The following KMO variants were observed in gnomAD, a reference collection of about 807,000 sequenced individuals.
KMO encodes kynurenine 3-hydroxylase.
A neutral mutation model predicts 57.8 loss-of-function variants in KMO; 24 were observed. That is an observed-to-expected ratio of 0.42 (90% CI 0.30 to 0.58). KMO has a LOEUF of 0.58. Ranked by LOEUF, KMO falls within the 20% of genes least tolerant of loss-of-function variation. KMO has a pLI of 0.22. For synonymous variants in KMO, 210 were observed against 193.6 expected (o/e 1.08, Z -0.70); for missense variants, 483 against 588.2 (o/e 0.82, Z 1.85).
intron 10 of KMO, among the ~76,000 whole-genome samples, chr1:241,585,783 C>A (rs951735981): frequency 7.3e-5 from 11 of 150,490 alleles, no homozygotes; most frequent in East Asian, 5.8e-4. Flanking sequence ...AAAAAAAAAA[C>A]CAAAAAGAAA....
chr1:241,576,623 T>C (rs1662529602), intron 10 of KMO, among the ~76,000 whole-genome samples: 1 of 152,168 alleles, frequency 6.6e-6, no homozygotes, highest in Admixed American at 6.5e-5. Flanking sequence ...TGCTGAGAAG[T>C]CTGCATTAGT....
intron 1 of KMO, among the ~76,000 whole-genome samples, chr1:241,537,937 A>C (rs556497474): frequency 5.9e-5 from 9 of 152,248 alleles, no homozygotes; most frequent in African/African-American, 2.2e-4. Context: ...CCATATCAAC[A>C]AGTTTTGCAG....
At chr1:241,562,862 AGAAGGAAGGAAGGAAGGAAGGAAG>A (rs1173823057) in intron 7 of KMO, among the ~76,000 whole-genome samples, 15 of 104,502 alleles carry the variant, frequency 1.4e-4, no homozygotes, top group African/African-American at 3.9e-4. Context: ...AAGGAAGGAA[AGAAGGAAGGAAGGAAGGAAGGAAG>A]GAAGGAAGGA....
At position 241,572,160 on chromosome 1, in the gene KMO, C is replaced by G. The variant is rs148638907; in HGVS notation, c.957+3513C>G. Among the ~76,000 whole-genome samples, 4 of 151,942 alleles carry G rather than the reference C, an allele frequency of 2.6e-5. No individual in the cohort carries two copies. The East Asian group carries it at 7.7e-4, about 29-fold the overall frequency. Reference sequence around the variant, plus strand: ...GATTACAGGCATGAGCCACCACGCCCGGGCAATATTAGTTCCTTTTTAAAT... The same window carrying G: ...GATTACAGGCATGAGCCACCACGCCGGGGCAATATTAGTTCCTTTTTAAAT... On this transcript the variant is annotated intron_variant, in intron 10 of 14. Transcript: ENST00000366559.
At chr1:241,537,783 A>T (rs1367426868) in intron 1 of KMO, among the ~76,000 whole-genome samples, 1 of 152,148 alleles carries the variant, frequency 6.6e-6, no homozygotes, top group African/African-American at 2.4e-5. Flanking sequence ...ATCAGATTTC[A>T]TGAGACTCAT....
intron 1 of KMO, among the ~76,000 whole-genome samples, chr1:241,543,121 T>G (rs1050899591): frequency 2.6e-5 from 4 of 152,136 alleles, no homozygotes; most frequent in African/African-American, 9.7e-5. Flanking sequence ...GTTTGTTTAT[T>G]AATAATAATA....
At chr1:241,557,243 A>C (rs3007738) in intron 5 of KMO, among the ~76,000 whole-genome samples, 127,078 of 151,848 alleles carry the variant, frequency 0.84, 54,205 homozygotes, top group Non-Finnish European at 0.93. Flanking sequence ...CCAGTCACAC[A>C]CCATGTATCC....
chr1:241,595,195 A>T lies in KMO; in HGVS notation c.*3042A>T, dbSNP rs1293333233. 1 of 153,420 alleles carries T rather than the reference A, an allele frequency of 6.5e-6. No homozygotes were observed. The highest frequency in any genetic ancestry group is 1.5e-5 in the Non-Finnish European group (1 of 68,958). The allele number at this position is 153,420 out of a possible 1,614,324, so 9.5% of individuals were successfully genotyped here. On this transcript the variant is annotated 3_prime_UTR_variant, in exon 15 of 15. Transcript: ENST00000366559. ...AAATTACTAATCAGTTGGGGAAAAA[A>T]ATACTATAGCAGACAGCACTAATGT...
intron 11 of KMO, among the ~76,000 whole-genome samples, chr1:241,587,389 C>T (rs10926521): frequency 0.14 from 20,942 of 152,196 alleles, 1,624 homozygotes; most frequent in East Asian, 0.22. Context: ...GGGTTGGGGA[C>T]AGTCACCCTA....
chr1:241,583,532 T>G (rs752405021), intron 10 of KMO, among the ~76,000 whole-genome samples: 2 of 152,034 alleles, frequency 1.3e-5, no homozygotes, highest in Admixed American at 6.6e-5. Context: ...ACCTCTATAC[T>G]TTTTCTTCTC....
At chr1:241,541,829 G>T (rs1420583180) in intron 1 of KMO, among the ~76,000 whole-genome samples, 2 of 152,066 alleles carry the variant, frequency 1.3e-5, no homozygotes, top group African/African-American at 4.8e-5. Flanking sequence ...ATCTTGAGAC[G>T]TCAAACTATA....
At chr1:241,535,781 G>C (rs1660732188) in intron 1 of KMO, among the ~76,000 whole-genome samples, 1 of 152,146 alleles carries the variant, frequency 6.6e-6, no homozygotes, top group African/African-American at 2.4e-5. Context: ...CCCTTCTCCA[G>C]CCAATGGGAT....
intron 10 of KMO, among the ~76,000 whole-genome samples, chr1:241,579,130 C>A (rs1027998657): frequency 7.9e-5 from 12 of 152,058 alleles, no homozygotes; most frequent in Middle Eastern, 3.2e-3. Context: ...AGGTCATACA[C>A]AAATTTTCTC....
chr1:241,558,984 G>A (rs762937645), intron 5 of KMO, among the ~76,000 whole-genome samples: 2 of 151,442 alleles, frequency 1.3e-5, no homozygotes, highest in Non-Finnish European at 2.9e-5. Context: ...GTGTTGGTGG[G>A]CGCCTGTAAT....
intron 5 of KMO, among the ~76,000 whole-genome samples, chr1:241,557,947 G>A (rs1045445592): frequency 1.3e-5 from 2 of 152,156 alleles, no homozygotes; most frequent in South Asian, 2.1e-4. Flanking sequence ...AACATTCATC[G>A]AAGCACCAAG....
Position 241,592,134 on chromosome 1 carries a change from C to T in KMO, c.1442C>T (p.Ser481Phe). ...GCCGTGGACTCCCTAGAACAAATTT[C>T]CAATCTCATTAGCAGGTGATAGAAA... ...AKAVDSLEQI[S>F]NLISR is the part of the protein sequence containing the mutation. Residue 481 changes from serine to phenylalanine, a missense_variant, in exon 15 of 15, where the codon TCC (serine) becomes TTC (phenylalanine). Around this residue, in one of 3 missense-constraint regions of KMO, gnomAD observed 410 missense variants for 492.3 expected, o/e 0.83. Transcript: ENST00000366559. 2 of 1,613,688 alleles carry T rather than the reference C, an allele frequency of 1.2e-6. No homozygotes were observed. The highest frequency in any genetic ancestry group is 2.2e-5 in the South Asian group (2 of 91,078).
intron 5 of KMO, among the ~76,000 whole-genome samples, chr1:241,556,860 G>A (rs1661646318): frequency 6.6e-6 from 1 of 152,030 alleles, no homozygotes; most frequent in Non-Finnish European, 1.5e-5. Flanking sequence ...CTGCCCTCCA[G>A]CCTGGCTGAC....
At chr1:241,555,175 T>A (rs1661567058) in intron 4 of KMO, among the ~76,000 whole-genome samples, 1 of 152,032 alleles carries the variant, frequency 6.6e-6, no homozygotes, top group Non-Finnish European at 1.5e-5. Flanking sequence ...ACACACACAC[T>A]TTTTACATTG....
At chr1:241,541,769 G>T (rs1660965895) in intron 1 of KMO, among the ~76,000 whole-genome samples, 1 of 152,168 alleles carries the variant, frequency 6.6e-6, no homozygotes, top group Non-Finnish European at 1.5e-5. Context: ...ATTGTAAGTA[G>T]AGTTAACAGT....
Sources: allele counts gnomAD v4.1 joint callset (sites outside exome capture counted in the v4.1 genomes callset), GRCh38; gene constraint gnomAD v4.1.1; regional missense constraint gnomAD v4.1.1; transcripts MANE v1.5; gene names NCBI Gene and HGNC (gene_info 2026-07-23, HGNC 2026-07-21).